Variants in C1orf21 observed in about 807,000 individuals in gnomAD.
C1orf21 encodes the protein uncharacterized protein C1orf21.
C1orf21 carries 3 observed loss-of-function variants against 18.7 expected under a neutral mutation model. That is an observed-to-expected ratio of 0.16 (90% confidence interval 0.07 to 0.42). The LOEUF is 0.42. Among genes scored for constraint, C1orf21 ranks in the 10% least tolerant of loss-of-function variants. The probability of loss-of-function intolerance (pLI) is 0.99; values close to 1 mark genes in which losing one functional copy is unlikely to be tolerated. For missense variants in C1orf21, 104 were observed against 143.6 expected, an observed-to-expected ratio of 0.72 and a Z score of 1.41; for synonymous variants, 41 against 46.4, an observed-to-expected ratio of 0.88 and a Z score of 0.47.
chr1:184,437,999 C>T (rs535647594), intron 1 of C1orf21, among the ~76,000 whole-genome samples: 11 of 152,200 alleles, frequency 7.2e-5, no homozygotes, highest in Non-Finnish European at 1.3e-4. Flanking sequence ...AGAACTCAGG[C>T]AGGAATGGGA....
chr1:184,510,801 A>ATT (rs542659734), intron 3 of C1orf21, among the ~76,000 whole-genome samples: 17 of 145,018 alleles, frequency 1.2e-4, no homozygotes, highest in Admixed American at 3.0e-4. Flanking sequence ...GATTGGTAGA[A>ATT]TGGGATTACA....
chr1:184,569,742 A>G (rs1262338549), intron 3 of C1orf21, among the ~76,000 whole-genome samples: 1 of 152,194 alleles, frequency 6.6e-6, no homozygotes, highest in Non-Finnish European at 1.5e-5. Flanking sequence ...ATGATGATAG[A>G]AACTGGCTGT....
At chr1:184,565,404 TACAG>T (rs1421810732) in intron 3 of C1orf21, among the ~76,000 whole-genome samples, 1 of 152,234 alleles carries the variant, frequency 6.6e-6, no homozygotes, top group African/African-American at 2.4e-5. Context: ...TTAAGTTACT[TACAG>T]ACTTTAGAAA....
intron 1 of C1orf21, among the ~76,000 whole-genome samples, chr1:184,425,436 GT>G (rs1303930696): frequency 2.0e-5 from 3 of 151,772 alleles, no homozygotes; most frequent in East Asian, 3.9e-4. Context: ...TAATTTTTAA[GT>G]TTTTTGTAGA....
At chr1:184,535,402 T>G (rs753433818) in intron 3 of C1orf21, among the ~76,000 whole-genome samples, 2 of 152,204 alleles carry the variant, frequency 1.3e-5, no homozygotes, top group Non-Finnish European at 2.9e-5. Flanking sequence ...AAAGAATTTC[T>G]TGTTTTCCAC....
chr1:184,619,755 CTG>C lies in C1orf21; in HGVS notation c.*201_*202del, dbSNP rs1659887622. ...TATTGCTAAAAACAAACAAAAAAAA[CTG>C]TTATCGAACTTTCTTTGTTGCTGCT... On this transcript the variant is annotated 3_prime_UTR_variant, in exon 6 of 6. Coordinates refer to ENST00000235307, the MANE Select transcript of C1orf21 (RefSeq NM_030806.4). The C allele has an allele frequency of 2.2e-6, 1 of 459,352 alleles. No individual in the cohort carries two copies. The highest frequency in any genetic ancestry group is 5.5e-5 in the South Asian group (1 of 18,202). 28.5% of individuals were successfully genotyped at this position (459,352 alleles called of 1,614,324 possible). A position where few individuals can be genotyped will look rare whatever the true frequency, so the allele number is the denominator to read the frequency against.
At chr1:184,409,341 G>A (rs554812350) in intron 1 of C1orf21, among the ~76,000 whole-genome samples, 4 of 152,238 alleles carry the variant, frequency 2.6e-5, no homozygotes, top group Admixed American at 2.6e-4. Context: ...TATTGGGGAG[G>A]AAGTGAAATG....
At chr1:184,547,700 A>G (rs1389225023) in intron 3 of C1orf21, among the ~76,000 whole-genome samples, 1 of 152,196 alleles carries the variant, frequency 6.6e-6, no homozygotes, top group African/African-American at 2.4e-5. Context: ...TTAAATTTTT[A>G]GCTATCTTAA....
rs75017359 is a variant in C1orf21 at position 184,471,918 on chromosome 1, T to C, written c.-124-5468T>C. Among the ~76,000 whole-genome samples, 1,494 of 152,258 alleles carry C rather than the reference T, an allele frequency of 9.8e-3. 17 individuals are homozygous for C. Among genetic ancestry groups the C allele is most frequent in the African/African-American group, 0.032 (1,330 of 41,546 alleles). Reference sequence around the variant, plus strand: ...TAATGAAAGGCTTGACTTTTCTAGATTATTCTCATGTCAAATGTGACATCT... The same window carrying C: ...TAATGAAAGGCTTGACTTTTCTAGACTATTCTCATGTCAAATGTGACATCT... On this transcript the variant is annotated intron_variant, in intron 1 of 5. Transcript: ENST00000235307.
intron 3 of C1orf21, chr1:184,566,729 G>A (rs1186157179): frequency 5.1e-6 from 2 of 391,238 alleles, no homozygotes; most frequent in Middle Eastern, 4.8e-4. Flanking sequence ...CAAGCCATCT[G>A]GGACTACCAG....
intron 1 of C1orf21, among the ~76,000 whole-genome samples, chr1:184,475,440 A>G (rs183987004): frequency 6.2e-4 from 95 of 152,260 alleles, no homozygotes; most frequent in Middle Eastern, 6.8e-3. Context: ...TTGCAGCTGA[A>G]TAATGCTACC....
Position 184,620,414 on chromosome 1 carries a change from AT to A in C1orf21, c.*860del, listed in dbSNP as rs1204530290. Reference sequence around the variant, plus strand: ...GCCCTCCTTTGCATTGACACTGATAATTAGCCTATAGGGCTCCCTACCCTTC... The same window carrying A: ...GCCCTCCTTTGCATTGACACTGATAATAGCCTATAGGGCTCCCTACCCTTC... On this transcript the variant is annotated 3_prime_UTR_variant, in exon 6 of 6. Transcript: ENST00000235307. 1.3e-5 allele frequency: 2 copies of A among 152,536 alleles called. No homozygotes were observed. Among genetic ancestry groups the A allele is most frequent in the Admixed American group, 1.3e-4 (2 of 15,280 alleles). 9.4% of individuals were successfully genotyped at this position (152,536 alleles called of 1,614,324 possible).
At chr1:184,448,509 T>C (rs1249253940) in intron 1 of C1orf21, among the ~76,000 whole-genome samples, 1 of 152,226 alleles carries the variant, frequency 6.6e-6, no homozygotes, top group Admixed American at 6.5e-5. Context: ...AATTGCCCTG[T>C]AATTGTTTGC....
At chr1:184,396,946 A>T (rs1425040761) in intron 1 of C1orf21, among the ~76,000 whole-genome samples, 3 of 152,232 alleles carry the variant, frequency 2.0e-5, no homozygotes, top group African/African-American at 2.4e-5. Flanking sequence ...TGTTGAATGG[A>T]TGAATAAATC....
intron 5 of C1orf21, among the ~76,000 whole-genome samples, chr1:184,610,770 C>A (rs955713746): frequency 1.3e-5 from 2 of 151,390 alleles, no homozygotes; most frequent in Non-Finnish European, 2.9e-5. Flanking sequence ...ATGGCGTGAA[C>A]CTGGGAGGCG....
intron 1 of C1orf21, among the ~76,000 whole-genome samples, chr1:184,433,786 T>G (rs1656813205): frequency 6.6e-6 from 1 of 152,154 alleles, no homozygotes; most frequent in Non-Finnish European, 1.5e-5. Flanking sequence ...ATAGTTTTGG[T>G]CTCTTGACCT....
intron 5 of C1orf21, among the ~76,000 whole-genome samples, chr1:184,614,740 T>C (rs1274478818): frequency 6.6e-6 from 1 of 152,222 alleles, no homozygotes; most frequent in Non-Finnish European, 1.5e-5. Context: ...TGGGAGACAC[T>C]GACAGATCAT....
chr1:184,454,369 A>C (rs1250334653), intron 1 of C1orf21, among the ~76,000 whole-genome samples: 1 of 152,172 alleles, frequency 6.6e-6, no homozygotes, highest in African/African-American at 2.4e-5. Context: ...TTAGAGGTTT[A>C]TTTTGCCAAA....
intron 1 of C1orf21, among the ~76,000 whole-genome samples, chr1:184,404,682 C>G (rs1656217752): frequency 6.6e-6 from 1 of 152,142 alleles, no homozygotes; most frequent in Non-Finnish European, 1.5e-5. Context: ...ATAGCAAGGC[C>G]CATCCCAGAA....
Sources: allele counts gnomAD v4.1 joint callset (sites outside exome capture counted in the v4.1 genomes callset), GRCh38; gene constraint gnomAD v4.1.1; transcripts MANE v1.5; gene names NCBI Gene and HGNC (gene_info 2026-07-23, HGNC 2026-07-21).